The following DCDC2 variants were observed in gnomAD, a reference collection of about 807,000 sequenced individuals.
DCDC2 encodes the protein doublecortin domain-containing protein 2.
DCDC2 carries 40 observed loss-of-function variants against 50.2 expected under a neutral mutation model. The ratio of observed to expected loss-of-function variants is 0.80; its 90% CI spans 0.62 to 1.04. The LOEUF is 1.04. DCDC2 is among the 50% of genes least tolerant of loss of function. The pLI is 0.00. For synonymous variants in DCDC2, 234 were observed against 210.6 expected, an observed-to-expected ratio of 1.11 and a Z score of -0.96; for missense variants, 570 against 581.9, an observed-to-expected ratio of 0.98 and a Z score of 0.21.
chr6:24,318,380 T>TTTG (rs1279169318), intron 2 of DCDC2, among the ~76,000 whole-genome samples: 5 of 152,024 alleles, frequency 3.3e-5, no homozygotes, highest in South Asian at 2.1e-4. Context: ...TACTGGGTTT[T>TTTG]TTGTTGTTGT....
chr6:24,241,099 A>G (rs1398252379), intron 7 of DCDC2, among the ~76,000 whole-genome samples: 2 of 152,222 alleles, frequency 1.3e-5, no homozygotes, highest in East Asian at 3.8e-4. Flanking sequence ...CCTTTGGCTT[A>G]TAAAGCCCAT....
chr6:24,359,308 A>G (rs1393433269), upstream of DCDC2, among the ~76,000 whole-genome samples: 1 of 47,328 alleles, frequency 2.1e-5, no homozygotes, highest in Non-Finnish European at 3.5e-5. Flanking sequence ...TTTTATATAT[A>G]TTATATATTT....
intron 2 of DCDC2, among the ~76,000 whole-genome samples, chr6:24,308,437 T>C (rs1367622858): frequency 6.6e-6 from 1 of 152,178 alleles, no homozygotes; most frequent in Non-Finnish European, 1.5e-5. Context: ...AGCAGCCCAA[T>C]AGAAGAAGGG....
intron 8 of DCDC2, among the ~76,000 whole-genome samples, chr6:24,184,601 T>C (rs1172234178): frequency 6.6e-6 from 1 of 151,596 alleles, no homozygotes; most frequent in Non-Finnish European, 1.5e-5. Flanking sequence ...AAAGAATTAC[T>C]GACCTGAAAA....
intron 2 of DCDC2, among the ~76,000 whole-genome samples, chr6:24,351,221 C>T (rs1760363821): frequency 6.6e-6 from 1 of 152,168 alleles, no homozygotes. Flanking sequence ...GCTGCCTTTG[C>T]TTAAAGCAGA....
At position 24,173,031 on chromosome 6, in the gene DCDC2, G is replaced by A. The variant is rs1760819264; in HGVS notation, c.*1699C>T. 1.6e-5 allele frequency: 2 copies of A among 125,128 alleles called. No individual in the cohort carries two copies. The highest frequency in any genetic ancestry group is 2.7e-5 in the African/African-American group (1 of 36,536). The allele number at this position is 125,128 out of a possible 1,614,324, so 7.8% of individuals were successfully genotyped here. A position where few individuals can be genotyped will look rare whatever the true frequency, so the allele number is the denominator to read the frequency against. On this transcript the variant is annotated 3_prime_UTR_variant, in exon 10 of 10. Coordinates refer to ENST00000378454, the MANE Select transcript of DCDC2 (RefSeq NM_016356.5). Reference sequence around the variant, plus strand: ...ATAATAATAATAATAAAGATCAATTGGTCTATTTGCCTACCAACCCAAGAT... The same window carrying A: ...ATAATAATAATAATAAAGATCAATTAGTCTATTTGCCTACCAACCCAAGAT...
At chr6:24,244,279 T>C (rs905931725) in intron 7 of DCDC2, among the ~76,000 whole-genome samples, 4 of 152,128 alleles carry the variant, frequency 2.6e-5, no homozygotes, top group Non-Finnish European at 4.4e-5. Context: ...CAAATGAAAA[T>C]AGGACTATAA....
intron 7 of DCDC2, among the ~76,000 whole-genome samples, chr6:24,241,186 G>A (rs1314280565): frequency 6.6e-6 from 1 of 152,116 alleles, no homozygotes; most frequent in Non-Finnish European, 1.5e-5. Flanking sequence ...AGGTAAACAT[G>A]TAAAGGAAAA....
rs776415168 is a variant in DCDC2, at chr6:24,357,473, G to A, written c.278C>T (p.Ala93Val). 1 of 1,605,108 alleles carries A rather than the reference G, an allele frequency of 6.2e-7. No individual in the cohort carries two copies. The highest frequency in any genetic ancestry group is 8.5e-7 in the Non-Finnish European group (1 of 1,174,566). Residue 93 changes from alanine (A) to valine (V), a missense_variant, in exon 1 of 10, where the codon GCC (alanine) becomes GTC (valine). Ala to Val is a moderately conservative substitution (Grantham distance 64). Transcript: ENST00000378454. ...ACCGACTCACTTGAGTTTCTTGAAG[G>A]CTTCCTGGCCTCCAGCCACGTAATT... ...GGNYVAGGQEAFKKLNYLDIG... is the reference protein window; with the variant it reads ...GGNYVAGGQEVFKKLNYLDIG...
intron 2 of DCDC2, among the ~76,000 whole-genome samples, chr6:24,344,657 G>A (rs904899452): frequency 1.3e-5 from 2 of 152,182 alleles, no homozygotes; most frequent in Non-Finnish European, 2.9e-5. Context: ...TATTTCACTG[G>A]TTGACAGATA....
rs372370231 is a variant in DCDC2, at chr6:24,174,838, G to A, written c.1327-4C>T. 2 of 1,596,656 alleles carry A rather than the reference G, an allele frequency of 1.3e-6. No homozygotes were observed. The highest frequency in any genetic ancestry group is 1.7e-6 in the Non-Finnish European group (2 of 1,166,336). On this transcript the variant is annotated splice_polypyrimidine_tract_variant and splice_region_variant and intron_variant, in intron 9 of 9. Coordinates refer to ENST00000378454, the MANE Select transcript of DCDC2 (RefSeq NM_016356.5). ...GTCTTTGAGGGTCTACATCAGCCTA[G>A]AAGAAAATAGATCAAAACAAAGGTA...
At chr6:24,307,022 T>A (rs1290705379) in intron 2 of DCDC2, among the ~76,000 whole-genome samples, 2 of 152,074 alleles carry the variant, frequency 1.3e-5, no homozygotes, top group Admixed American at 6.5e-5. Flanking sequence ...TTGACACTGA[T>A]TGCCTAAACC....
intron 8 of DCDC2, among the ~76,000 whole-genome samples, chr6:24,179,877 C>T (rs1013253896): frequency 3.7e-5 from 5 of 135,624 alleles, no homozygotes; most frequent in Non-Finnish European, 1.5e-5. Flanking sequence ...TTGCATGAAC[C>T]CGGGAGGCAG....
At chr6:24,230,585 A>G (rs1762320801) in intron 7 of DCDC2, among the ~76,000 whole-genome samples, 1 of 152,144 alleles carries the variant, frequency 6.6e-6, no homozygotes, top group South Asian at 2.1e-4. Context: ...TCGAGGCTGC[A>G]GTGAGCTAGG....
intron 2 of DCDC2, chr6:24,353,267 T>A (rs1581667179): frequency 2.0e-6 from 1 of 489,046 alleles, no homozygotes; most frequent in Non-Finnish European, 4.2e-6. Flanking sequence ...ACGCTCAGAA[T>A]CTTCTCACTT....
At chr6:24,208,993 T>C (rs1761793999) in intron 7 of DCDC2, among the ~76,000 whole-genome samples, 2 of 152,204 alleles carry the variant, frequency 1.3e-5, no homozygotes, top group Admixed American at 1.3e-4. Flanking sequence ...TGTTCAAAAG[T>C]AAATTAGGCC....
intron 2 of DCDC2, among the ~76,000 whole-genome samples, chr6:24,308,579 C>T (rs1759515811): frequency 6.6e-6 from 1 of 151,984 alleles, no homozygotes; most frequent in South Asian, 2.1e-4. Context: ...ACATGACGAC[C>T]CGTTATCAAG....
chr6:24,348,186 G>T (rs1400359261), intron 2 of DCDC2, among the ~76,000 whole-genome samples: 1 of 152,148 alleles, frequency 6.6e-6, no homozygotes, highest in African/African-American at 2.4e-5. Flanking sequence ...GAGGCAGGAG[G>T]GTTTGTAGGT....
intron 7 of DCDC2, among the ~76,000 whole-genome samples, chr6:24,265,333 A>G (rs72830855): frequency 0.094 from 14,332 of 152,134 alleles, 830 homozygotes; most frequent in East Asian, 0.17. Flanking sequence ...AGACTTCAAC[A>G]CCCCCACTTT....
Sources: gnomAD v4.1 joint callset for allele counts (sites outside exome capture counted in the v4.1 genomes callset) on GRCh38, gnomAD v4.1.1 for gene constraint, MANE v1.5 for transcripts, NCBI Gene and HGNC (gene_info 2026-07-23, HGNC 2026-07-21) for gene names.